Variants in GRIA4 observed in about 807,000 individuals in gnomAD.
The protein encoded by GRIA4 is glutamate receptor 4.
A neutral mutation model predicts 104.0 loss-of-function variants in GRIA4; 34 were observed. The ratio of observed to expected loss-of-function variants is 0.33; its 90% CI spans 0.25 to 0.44. GRIA4 has a LOEUF of 0.44. Ranked by LOEUF, GRIA4 falls within the 20% of genes least tolerant of loss-of-function variation. The pLI, the probability that GRIA4 is intolerant of heterozygous loss-of-function variation, is 1.00. For synonymous variants in GRIA4, 386 were observed against 381.9 expected, an observed-to-expected ratio of 1.01 and a Z score of -0.13; for missense variants, 750 against 1,096.5, an observed-to-expected ratio of 0.68 and a Z score of 4.46.
At chr11:105,699,833 C>T (rs903178324) in intron 3 of GRIA4, among the ~76,000 whole-genome samples, 1 of 152,120 alleles carries the variant, frequency 6.6e-6, no homozygotes, top group Admixed American at 6.6e-5. Context: ...CCACTACCCA[C>T]ACATCCCTTT....
chr11:105,805,125 T>A (rs1942892610), intron 4 of GRIA4, among the ~76,000 whole-genome samples: 1 of 151,924 alleles, frequency 6.6e-6, no homozygotes, highest in South Asian at 2.1e-4. Flanking sequence ...TAACACTTTG[T>A]TACATTGGTT....
chr11:105,829,135 C>T (rs971039111), intron 4 of GRIA4, among the ~76,000 whole-genome samples: 2 of 134,826 alleles, frequency 1.5e-5, no homozygotes, highest in South Asian at 4.5e-4. Flanking sequence ...TAATTCTCAG[C>T]AGTTCCTATT....
chr11:105,648,708 A>C (rs1027540941), intron 3 of GRIA4, among the ~76,000 whole-genome samples: 1 of 152,190 alleles, frequency 6.6e-6, no homozygotes, highest in Non-Finnish European at 1.5e-5. Flanking sequence ...AAAAACCAAC[A>C]AATGAGTGCC....
chr11:105,634,516 GAAAGAAAGAAAGA>G (rs749267062), intron 3 of GRIA4, among the ~76,000 whole-genome samples: 21,318 of 66,420 alleles, frequency 0.32, 2,129 homozygotes, highest in Non-Finnish European at 0.41. Flanking sequence ...AAAGAAAGAA[GAAAGAAAGAAAGA>G]AAAGAAAGAA....
chr11:105,669,599 T>C (rs1186779796), intron 3 of GRIA4, among the ~76,000 whole-genome samples: 1 of 152,140 alleles, frequency 6.6e-6, no homozygotes, highest in Non-Finnish European at 1.5e-5. Flanking sequence ...CACAGATCTG[T>C]TGTAATCCTC....
At position 105,937,231 on chromosome 11, in the gene GRIA4, T is replaced by A. The variant is rs182016306; in HGVS notation, c.2294+3262T>A. Among the ~76,000 whole-genome samples the A allele has an allele frequency of 4.2e-4, 64 of 152,274 alleles. 2 individuals carry two copies. The South Asian group carries it at 0.013, about 31-fold the overall frequency. On this transcript the variant is annotated intron_variant, in intron 14 of 16. Transcript: ENST00000282499. ...TGTAAAGTTTAGAAGAAAGAGGAAGTATATTTATTTTGACTTTACTCTCAA... is the reference window on the plus strand; with the variant it reads ...TGTAAAGTTTAGAAGAAAGAGGAAGAATATTTATTTTGACTTTACTCTCAA...
At chr11:105,713,881 C>T (rs1380369086) in intron 3 of GRIA4, among the ~76,000 whole-genome samples, 1 of 152,132 alleles carries the variant, frequency 6.6e-6, no homozygotes, top group East Asian at 1.9e-4. Flanking sequence ...GTAGTGGGTA[C>T]AGCTGCAAGG....
At chr11:105,888,577 C>G (rs914047050) in intron 6 of GRIA4, among the ~76,000 whole-genome samples, 1 of 151,992 alleles carries the variant, frequency 6.6e-6, no homozygotes, top group African/African-American at 2.4e-5. Flanking sequence ...TGAGCCACCA[C>G]GCCCGGCCTC....
chr11:105,773,175 C>T (rs924567278), intron 4 of GRIA4, among the ~76,000 whole-genome samples: 3 of 151,920 alleles, frequency 2.0e-5, no homozygotes, highest in Admixed American at 6.6e-5. Context: ...TGCTTTTCTC[C>T]GTGTTTGTCT....
chr11:105,640,560 T>A (rs1323686238), intron 3 of GRIA4, among the ~76,000 whole-genome samples: 1 of 151,970 alleles, frequency 6.6e-6, no homozygotes, highest in East Asian at 1.9e-4. Flanking sequence ...AAATACTCTT[T>A]TAATTACCAA....
intron 4 of GRIA4, among the ~76,000 whole-genome samples, chr11:105,778,309 C>T (rs1411518490): frequency 1.3e-5 from 2 of 152,150 alleles, no homozygotes; most frequent in African/African-American, 4.8e-5. Context: ...ATTGGACAGT[C>T]AGGGAAGGGG....
At chr11:105,813,132 T>G (rs1267841367) in intron 4 of GRIA4, among the ~76,000 whole-genome samples, 2 of 150,506 alleles carry the variant, frequency 1.3e-5, no homozygotes, top group Non-Finnish European at 3.0e-5. Context: ...AGAAAAAATT[T>G]AGGAATGACC....
rs567445754 is a variant in GRIA4 at position 105,835,467 on chromosome 11, C to G, written c.488-26557C>G. On this transcript the variant is annotated intron_variant, in intron 4 of 16. Transcript: ENST00000282499. ...ATATTATAACAAATAACAAATTAAG[C>G]TGTGAATGCAACAGTAGGCATAATC... is the stretch of plus-strand genomic sequence containing the variant. Among the ~76,000 whole-genome samples the G allele has an allele frequency of 3.3e-5, 5 of 152,044 alleles. 1 individual carries two copies. Among genetic ancestry groups the G allele is most frequent in the African/African-American group, 1.2e-4 (5 of 41,512 alleles).
intron 14 of GRIA4, among the ~76,000 whole-genome samples, chr11:105,957,923 G>A (rs1426531796): frequency 6.6e-6 from 1 of 152,096 alleles, no homozygotes; most frequent in Non-Finnish European, 1.5e-5. Flanking sequence ...GTCTGTTATT[G>A]GTGTATAGGA....
rs1019724557 is a variant in GRIA4 at position 105,847,170 on chromosome 11, C to A, written c.488-14854C>A. ...AAATTGGGGGGATGAAACTGTTCCA[C>A]CTCAGATCATCAGGATCTTAGATTC... is the stretch of plus-strand genomic sequence containing the variant. On this transcript the variant is annotated intron_variant, in intron 4 of 16. Transcript: ENST00000282499. Among the ~76,000 whole-genome samples, 39 of 152,138 alleles carry A rather than the reference C, an allele frequency of 2.6e-4. 1 individual carries two copies.
At chr11:105,843,943 T>C (rs1944482684) in intron 4 of GRIA4, among the ~76,000 whole-genome samples, 1 of 152,168 alleles carries the variant, frequency 6.6e-6, no homozygotes, top group African/African-American at 2.4e-5. Context: ...GAAGAGGAAT[T>C]TGAAGATTAT....
chr11:105,710,019 GATTCTCAATTC>G (rs1953854127), intron 3 of GRIA4, among the ~76,000 whole-genome samples: 1 of 152,236 alleles, frequency 6.6e-6, no homozygotes, highest in South Asian at 2.1e-4. Context: ...ACTAATTTAA[GATTCTCAATTC>G]ATCAGTACTG....
At chr11:105,872,637 C>T (rs1412251315) in intron 5 of GRIA4, among the ~76,000 whole-genome samples, 1 of 152,116 alleles carries the variant, frequency 6.6e-6, no homozygotes, top group African/African-American at 2.4e-5. Context: ...ATTCCCATCA[C>T]CACCAGCCCC....
chr11:105,927,374 T>C (rs751948066), intron 13 of GRIA4, among the ~76,000 whole-genome samples: 11 of 152,116 alleles, frequency 7.2e-5, no homozygotes, highest in Admixed American at 1.3e-4. Flanking sequence ...ATACTACTTA[T>C]ATGAGTTATA....
Sources: gnomAD v4.1 joint callset for allele counts (sites outside exome capture counted in the v4.1 genomes callset) on GRCh38, gnomAD v4.1.1 for gene constraint, MANE v1.5 for transcripts, NCBI Gene and HGNC (gene_info 2026-07-23, HGNC 2026-07-21) for gene names.